The following PDLIM5 variants were observed in gnomAD, a reference collection of about 807,000 sequenced individuals.
PDLIM5 encodes PDZ and LIM domain protein 5.
Under a neutral mutation model 64.2 loss-of-function variants are expected in PDLIM5, and 34 were observed. The observed-to-expected ratio is 0.53, with a 90% CI of 0.40 to 0.71. PDLIM5 has a LOEUF of 0.71. PDLIM5 is among the 30% of genes least tolerant of loss of function. The pLI, the probability that PDLIM5 is intolerant of heterozygous loss-of-function variation, is 0.00. For synonymous variants in PDLIM5, 253 were observed against 269.1 expected (o/e 0.94, Z 0.59); for missense variants, 683 against 733.6 (o/e 0.93, Z 0.80).
rs36209951 is a variant in PDLIM5 at position 94,530,510 on chromosome 4, A to AATATATATAT, written c.248+6663_248+6672dup. ...TAAATTAATCCTCTTGGAATCACAG[A>AATATATATAT]ATATATATATATATATATATATATA... is the stretch of plus-strand genomic sequence containing the variant. On this transcript the variant is annotated intron_variant, in intron 3 of 12. Transcript: ENST00000317968. 4.4e-3 allele frequency among the ~76,000 whole-genome samples: 611 copies of AATATATATAT among 140,324 alleles called. 3 individuals carry two copies. Among genetic ancestry groups the AATATATATAT allele is most frequent in the African/African-American group, 0.011 (369 of 35,004 alleles). 92.1% of individuals were successfully genotyped at this position (140,324 alleles called of 152,430 possible).
At chr4:94,521,241 A>T (rs1361956243) in intron 2 of PDLIM5, among the ~76,000 whole-genome samples, 1 of 152,138 alleles carries the variant, frequency 6.6e-6, no homozygotes, top group Non-Finnish European at 1.5e-5. Flanking sequence ...TGCGAGAGGT[A>T]ATGGGGCCAC....
At chr4:94,483,837 T>C (rs1315731584) in intron 2 of PDLIM5, among the ~76,000 whole-genome samples, 1 of 152,238 alleles carries the variant, frequency 6.6e-6, no homozygotes, top group Non-Finnish European at 1.5e-5. Context: ...TATGGAATCA[T>C]GGATTTGATG....
chr4:94,555,166 G>A (rs549665131), intron 3 of PDLIM5, among the ~76,000 whole-genome samples: 3 of 152,204 alleles, frequency 2.0e-5, no homozygotes, highest in South Asian at 4.2e-4. Flanking sequence ...TGATTCTCCC[G>A]CCTCAACCTC....
At chr4:94,587,022 A>T (rs1230188799) in intron 7 of PDLIM5, 4 of 1,607,812 alleles carry the variant, frequency 2.5e-6, no homozygotes, top group Non-Finnish European at 3.4e-6. Context: ...TTAGTCCCAA[A>T]TACACAAAAT....
chr4:94,462,231 T>C (rs1723959903), intron 2 of PDLIM5, among the ~76,000 whole-genome samples: 1 of 152,108 alleles, frequency 6.6e-6, no homozygotes, highest in Non-Finnish European at 1.5e-5. Flanking sequence ...TAGGGGGAAA[T>C]GTCTCCTGGT....
chr4:94,477,182 T>A (rs1379320400), intron 2 of PDLIM5, among the ~76,000 whole-genome samples: 1 of 152,054 alleles, frequency 6.6e-6, no homozygotes, highest in Non-Finnish European at 1.5e-5. Flanking sequence ...CTGGGTGGAG[T>A]TACTATTGGC....
At chr4:94,661,579 A>C (rs1203224921) in intron 11 of PDLIM5, among the ~76,000 whole-genome samples, 1 of 152,202 alleles carries the variant, frequency 6.6e-6, no homozygotes. Context: ...ACAGCAAAAT[A>C]AATTGTGGCT....
chr4:94,556,775 G>A (rs906237557), intron 3 of PDLIM5, among the ~76,000 whole-genome samples: 3 of 152,124 alleles, frequency 2.0e-5, no homozygotes, highest in Admixed American at 6.5e-5. Flanking sequence ...TTGTAAATTT[G>A]TTTGAGTTCT....
chr4:94,487,517 C>T (rs1347194607), intron 2 of PDLIM5, among the ~76,000 whole-genome samples: 1 of 152,148 alleles, frequency 6.6e-6, no homozygotes, highest in African/African-American at 2.4e-5. Flanking sequence ...GCTTTCACAC[C>T]TCTTGCAGCC....
chr4:94,602,470 T>C (rs750878387), intron 7 of PDLIM5, among the ~76,000 whole-genome samples: 4 of 151,432 alleles, frequency 2.6e-5, no homozygotes, highest in Non-Finnish European at 4.4e-5. Flanking sequence ...GGTTTCTTTT[T>C]GAGACGGAGT....
chr4:94,571,237 T>C (rs1445194796), intron 3 of PDLIM5, among the ~76,000 whole-genome samples: 2 of 152,212 alleles, frequency 1.3e-5, no homozygotes, highest in Non-Finnish European at 2.9e-5. Context: ...CAGTTATCAC[T>C]TAAAACTCCT....
chr4:94,615,414 G>A (rs1046196690), intron 7 of PDLIM5, among the ~76,000 whole-genome samples: 7 of 151,610 alleles, frequency 4.6e-5, no homozygotes, highest in Non-Finnish European at 1.0e-4. Context: ...TGAACACAGT[G>A]CATGATGCGT....
chr4:94,546,979 A>AT (rs906846855), intron 3 of PDLIM5, among the ~76,000 whole-genome samples: 18 of 152,080 alleles, frequency 1.2e-4, no homozygotes, highest in Admixed American at 3.3e-4. Context: ...AGGAAAAAAA[A>AT]ATATATATCT....
At chr4:94,528,835 G>A (rs554755239) in intron 3 of PDLIM5, among the ~76,000 whole-genome samples, 1 of 152,218 alleles carries the variant, frequency 6.6e-6, no homozygotes, top group Admixed American at 6.5e-5. Flanking sequence ...TTCTCACTTG[G>A]GGTACTCATG....
intron 7 of PDLIM5, chr4:94,586,887 G>T (rs1736252875): frequency 8.4e-6 from 9 of 1,065,236 alleles, no homozygotes; most frequent in Non-Finnish European, 1.2e-5. Flanking sequence ...CTTTTATAAG[G>T]CATGTTTTCT....
At chr4:94,538,208 G>A (rs1471475466) in intron 3 of PDLIM5, among the ~76,000 whole-genome samples, 1 of 152,078 alleles carries the variant, frequency 6.6e-6, no homozygotes, top group East Asian at 1.9e-4. Context: ...TGCATTCTCT[G>A]AATACTAATT....
At chr4:94,523,956 C>A in intron 3 of PDLIM5, 81 bp downstream of exon 3, 1 of 959,910 alleles carries the variant, frequency 1.0e-6, no homozygotes, top group Admixed American at 2.2e-5. Flanking sequence ...ACGGTGTTAA[C>A]TAAGACTCAG....
At chr4:94,498,061 T>G (rs1449372772) in intron 2 of PDLIM5, among the ~76,000 whole-genome samples, 1 of 152,184 alleles carries the variant, frequency 6.6e-6, no homozygotes, top group Non-Finnish European at 1.5e-5. Context: ...AACCTAGATA[T>G]TCAGCCAGTA....
At chr4:94,655,424 C>T (rs1392487861) in intron 10 of PDLIM5, among the ~76,000 whole-genome samples, 5 of 152,062 alleles carry the variant, frequency 3.3e-5, no homozygotes, top group African/African-American at 4.8e-5. Context: ...AATATACTCT[C>T]AATGTGAAAA....
Sources: gnomAD v4.1 joint callset for allele counts (sites outside exome capture counted in the v4.1 genomes callset) on GRCh38, gnomAD v4.1.1 for gene constraint, MANE v1.5 for transcripts, NCBI Gene and HGNC (gene_info 2026-07-23, HGNC 2026-07-21) for gene names.